The following WNT10A variants were observed in gnomAD, a reference collection of about 807,000 sequenced individuals.
WNT10A encodes Wnt family member 10A, also known as protein Wnt-10a.
In WNT10A, 37 loss-of-function variants were observed where a neutral mutation model predicts 36.1. That is an observed-to-expected ratio of 1.02 (90% confidence interval 0.79 to 1.35). The LOEUF is 1.35. Among genes scored for constraint, WNT10A ranks in the 40% most tolerant of loss-of-function variants. The pLI is 0.00. For missense variants in WNT10A, 613 were observed against 601.4 expected, an observed-to-expected ratio of 1.02 and a Z score of -0.20; for synonymous variants, 255 against 254.1, an observed-to-expected ratio of 1.00 and a Z score of -0.03.
Position 218,890,192 on chromosome 2 carries a change from C to G in WNT10A, c.585C>G (p.His195Gln), listed in dbSNP as rs1211787387. 17 of 1,613,972 alleles carry G rather than the reference C, an allele frequency of 1.1e-5. No individual in the cohort carries two copies. Among genetic ancestry groups the G allele is most frequent in the Non-Finnish European group, 1.4e-5 (16 of 1,180,026 alleles). Reference sequence around the variant, plus strand: ...GCCTGAGCCATGGGGTCCCGGAACACCCAGCCCTGCCCACAGCCAGCCCAG... The same window carrying G: ...GCCTGAGCCATGGGGTCCCGGAACAGCCAGCCCTGCCCACAGCCAGCCCAG... ...GKGLSHGVPE[H>Q]PALPTASPGL... Residue 195 changes from histidine to glutamine, a missense_variant, in exon 3 of 4, where the codon CAC (histidine) becomes CAG (glutamine). By Grantham distance (24) the His-to-Gln change is conservative. Coordinates refer to ENST00000258411, the MANE Select transcript of WNT10A (RefSeq NM_025216.3).
chr2:218,883,530 C>T (rs1254157237), intron 2 of WNT10A, among the ~76,000 whole-genome samples: 1 of 149,980 alleles, frequency 6.7e-6, no homozygotes, highest in Non-Finnish European at 1.5e-5. Context: ...AGCCCCAGGC[C>T]TCCCGCCCCG....
At position 218,893,240 on chromosome 2, in the gene WNT10A, G is replaced by C; in HGVS notation, c.1223G>C (p.Arg408Pro). 6.4e-7 allele frequency: 1 copy of C among 1,561,076 alleles called. No homozygotes were observed. Among genetic ancestry groups the C allele is most frequent in the Non-Finnish European group, 8.6e-7 (1 of 1,159,812 alleles). Residue 408 changes from arginine to proline, a missense_variant, in exon 4 of 4, where the codon CGC (arginine) becomes CCC (proline). Arg to Pro is a moderately radical substitution (Grantham distance 103). Transcript: ENST00000258411. The surrounding 1 kb of genome is among the most constrained non-coding windows in gnomAD (Gnocchi z 6.3). ...TGTTTCGTGGTCTGCGAAGAGTGCC[G>C]CATCACCGAGTGGGTCAGCGTCTGC... ...WCCFVVCEECRITEWVSVCK is the reference protein window; with the variant it reads ...WCCFVVCEECPITEWVSVCK
upstream of WNT10A, chr2:218,880,844 C>A: frequency 2.3e-6 from 2 of 863,876 alleles, no homozygotes; most frequent in South Asian, 2.0e-5. The surrounding 1 kb of genome is among the most constrained non-coding windows in gnomAD (Gnocchi z 7.7). Flanking sequence ...AGCGGGGAGG[C>A]GGGCGCCGTC....
upstream of WNT10A, among the ~76,000 whole-genome samples, chr2:218,876,354 G>A (rs1019204589): frequency 6.6e-6 from 1 of 152,172 alleles, no homozygotes; most frequent in African/African-American, 2.4e-5. Context: ...AAGGGAGCTC[G>A]TTCTGGATGT....
At chr2:218,875,606 G>A in the WNT10A span, among the ~76,000 whole-genome samples, 1 of 152,206 alleles carries the variant, frequency 6.6e-6, no homozygotes, top group Non-Finnish European at 1.5e-5. Context: ...GGTCAAAACA[G>A]TTCACAGAGC....
upstream of WNT10A, among the ~76,000 whole-genome samples, chr2:218,877,784 C>T (rs575543197): frequency 2.0e-5 from 3 of 152,196 alleles, no homozygotes; most frequent in Admixed American, 6.5e-5. This position sits in a 1 kb window ranked among gnomAD's most constrained non-coding sequence, Gnocchi z 4.1. Flanking sequence ...AAGCCATTCC[C>T]CCTTACCTTG....
chr2:218,877,471 G>C (rs1944463335), upstream of WNT10A, among the ~76,000 whole-genome samples: 1 of 152,174 alleles, frequency 6.6e-6, no homozygotes, highest in African/African-American at 2.4e-5. The surrounding 1 kb of genome is among the most constrained non-coding windows in gnomAD (Gnocchi z 4.1). Flanking sequence ...GAAGGGGCCG[G>C]AAGTAGAGTT....
intron 3 of WNT10A, among the ~76,000 whole-genome samples, chr2:218,892,120 G>A (rs998049035): frequency 6.6e-6 from 1 of 152,000 alleles, no homozygotes; most frequent in Non-Finnish European, 1.5e-5. Flanking sequence ...TTCCTAGGAC[G>A]AACCATGGGT....
In WNT10A at chr2:218,890,223, C is replaced by A; in HGVS notation, c.616C>A (p.Gln206Lys). ...CCTGCCCACAGCCAGCCCAGGCCTG[C>A]AGGACTCCTGGGAGTGGGGCGGCTG... ...PALPTASPGLQDSWEWGGCSP... is the reference protein window; with the variant it reads ...PALPTASPGLKDSWEWGGCSP... Residue 206 changes from glutamine (Q) to lysine (K), a missense_variant, in exon 3 of 4, where the codon CAG (glutamine) becomes AAG (lysine). By Grantham distance (53) the Gln-to-Lys change is moderately conservative. Coordinates refer to ENST00000258411, the MANE Select transcript of WNT10A (RefSeq NM_025216.3). The A allele has an allele frequency of 1.2e-6, 2 of 1,613,994 alleles. No individual in the cohort carries two copies. Among genetic ancestry groups the A allele is most frequent in the Non-Finnish European group, 1.7e-6 (2 of 1,179,994 alleles).
chr2:218,887,011 G>T (rs967132155), intron 2 of WNT10A, among the ~76,000 whole-genome samples: 2 of 152,352 alleles, frequency 1.3e-5, no homozygotes, highest in East Asian at 3.9e-4. Flanking sequence ...GGGCCTAGAA[G>T]ATGGTGGTTG....
At chr2:218,888,447 C>A (rs968588694) in intron 2 of WNT10A, among the ~76,000 whole-genome samples, 1 of 152,220 alleles carries the variant, frequency 6.6e-6, no homozygotes, top group Non-Finnish European at 1.5e-5. Flanking sequence ...GTGGCTTGGT[C>A]AGGGAAAATC....
chr2:218,885,883 A>G (rs2106013816), intron 2 of WNT10A, among the ~76,000 whole-genome samples: 2 of 152,344 alleles, frequency 1.3e-5, no homozygotes, highest in Middle Eastern at 6.8e-3. Context: ...ACACATACTA[A>G]GCACCTGCTG....
At chr2:218,892,696 AG>A (rs1454107711) in intron 3 of WNT10A, 77 bp from the exon 4 acceptor site, 2 of 1,540,106 alleles carry the variant, frequency 1.3e-6, no homozygotes, top group African/African-American at 2.8e-5. Flanking sequence ...AGTGGGTTTC[AG>A]AAGCAGGCCA....
At position 218,886,950 on chromosome 2, in the gene WNT10A, G is replaced by C. The variant is rs112319478; in HGVS notation, c.377-3034G>C. ...GCATGGGGTAGGGGTGTTCTCTGCC[G>C]CGGTGGGGTACGTTTCTCCAGTTTC... On this transcript the variant is annotated intron_variant, in intron 2 of 3. Coordinates refer to ENST00000258411, the MANE Select transcript of WNT10A (RefSeq NM_025216.3). Among the ~76,000 whole-genome samples, 33 of 152,282 alleles carry C rather than the reference G, an allele frequency of 2.2e-4. 1 individual carries two copies. Among genetic ancestry groups the C allele is most frequent in the African/African-American group, 7.7e-4 (32 of 41,558 alleles).
chr2:218,890,461 A>G (rs1575233810), intron 3 of WNT10A, 98 bp downstream of exon 3: 2 of 1,541,028 alleles, frequency 1.3e-6, no homozygotes, highest in Non-Finnish European at 1.8e-6. Flanking sequence ...TTGCTCCCAC[A>G]TGTCACACCT....
upstream of WNT10A, among the ~76,000 whole-genome samples, chr2:218,879,067 T>TCCCCCCCACC (rs1944479314): frequency 7.2e-6 from 1 of 138,982 alleles, no homozygotes; most frequent in African/African-American, 2.9e-5. Context: ...GCCAGACTGC[T>TCCCCCCCACC]CCCCCCCCAC....
At chr2:218,877,993 C>T (rs940903400), upstream of WNT10A, among the ~76,000 whole-genome samples, 12 of 152,212 alleles carry the variant, frequency 7.9e-5, no homozygotes, top group African/African-American at 2.4e-4. This position sits in a 1 kb window ranked among gnomAD's most constrained non-coding sequence, Gnocchi z 4.1. Flanking sequence ...CCCTTCCTCC[C>T]TGTGACCTTC....
upstream of WNT10A, chr2:218,880,481 GGC>G (rs1491190687): frequency 0.13 from 6,111 of 48,356 alleles, 437 homozygotes; most frequent in African/African-American, 0.3. The surrounding 1 kb of genome is among the most constrained non-coding windows in gnomAD (Gnocchi z 7.7). Flanking sequence ...GACACTAAAT[GGC>G]GGGGGGGTGG....
At position 218,893,321 on chromosome 2, in the gene WNT10A, G is replaced by A; in HGVS notation, c.*50G>A. 6.6e-7 allele frequency: 1 copy of A among 1,515,168 alleles called. No homozygotes were observed. The highest frequency in any genetic ancestry group is 8.8e-7 in the Non-Finnish European group (1 of 1,135,222). The allele number at this position is 1,515,168 out of a possible 1,614,324, so 93.9% of individuals were successfully genotyped here. On this transcript the variant is annotated 3_prime_UTR_variant, in exon 4 of 4. Coordinates refer to ENST00000258411, the MANE Select transcript of WNT10A (RefSeq NM_025216.3). This position sits in a 1 kb window ranked among gnomAD's most constrained non-coding sequence, Gnocchi z 6.3. ...GATCGAGGTCCCCTCCTGGAGCCTGGCCCTCTGAGGCTTACGGTCTTGGCA... is the reference window on the plus strand; with the variant it reads ...GATCGAGGTCCCCTCCTGGAGCCTGACCCTCTGAGGCTTACGGTCTTGGCA...
Sources: gnomAD v4.1 joint callset for allele counts (sites outside exome capture counted in the v4.1 genomes callset) on GRCh38, gnomAD v4.1.1 for gene constraint, Gnocchi (gnomAD v3.1) non-coding constraint, MANE v1.5 for transcripts, NCBI Gene and HGNC (gene_info 2026-07-23, HGNC 2026-07-21) for gene names.